Variants in PCSK5 observed in about 807,000 individuals in gnomAD.
PCSK5 encodes prohormone convertase 5.
Under a neutral mutation model 233.2 loss-of-function variants are expected in PCSK5, and 129 were observed. The ratio of observed to expected loss-of-function variants is 0.55; its 90% CI spans 0.48 to 0.64. PCSK5 has a LOEUF of 0.64. Among genes scored for constraint, PCSK5 ranks in the 30% least tolerant of loss-of-function variants. The pLI is 0.00. For synonymous variants in PCSK5, 825 were observed against 879.2 expected, an observed-to-expected ratio of 0.94 and a Z score of 1.09; for missense variants, 2,076 against 2,430.1, an observed-to-expected ratio of 0.85 and a Z score of 3.06.
At chr9:76,009,708 GA>G (rs1827646581) in intron 3 of PCSK5, among the ~76,000 whole-genome samples, 1 of 151,796 alleles carries the variant, frequency 6.6e-6, no homozygotes, top group African/African-American at 2.4e-5. Flanking sequence ...ATTTATATAT[GA>G]GAGATCATAT....
At chr9:76,310,425 T>C (rs115576606) in intron 29 of PCSK5, among the ~76,000 whole-genome samples, 3,030 of 152,244 alleles carry the variant, frequency 0.02, 105 homozygotes, top group African/African-American at 0.067. Flanking sequence ...CATCATGACC[T>C]ATACCTAATA....
intron 20 of PCSK5, among the ~76,000 whole-genome samples, chr9:76,227,232 T>C (rs1022241716): frequency 1.3e-5 from 2 of 152,232 alleles, no homozygotes; most frequent in Non-Finnish European, 2.9e-5. Flanking sequence ...TCCCTACTTA[T>C]AAAATCTGTA....
At chr9:75,904,565 T>A (rs965939672) in intron 1 of PCSK5, among the ~76,000 whole-genome samples, 1 of 152,134 alleles carries the variant, frequency 6.6e-6, no homozygotes, top group African/African-American at 2.4e-5. Flanking sequence ...ACCAGGGAAA[T>A]GTAAGTCAAA....
At chr9:76,140,673 A>G (rs1196686418) in intron 10 of PCSK5, among the ~76,000 whole-genome samples, 1 of 152,116 alleles carries the variant, frequency 6.6e-6, no homozygotes, top group Non-Finnish European at 1.5e-5. Flanking sequence ...TCGTGTATCA[A>G]TGATAATGCA....
intron 3 of PCSK5, among the ~76,000 whole-genome samples, chr9:75,992,650 C>G (rs1826821122): frequency 6.6e-6 from 1 of 152,098 alleles, no homozygotes; most frequent in Admixed American, 6.5e-5. Flanking sequence ...AGAAGTGTTT[C>G]TATTTGACTC....
intron 4 of PCSK5, among the ~76,000 whole-genome samples, chr9:76,025,396 A>G (rs571055806): frequency 7.4e-6 from 1 of 136,014 alleles, no homozygotes; most frequent in African/African-American, 3.1e-5. Flanking sequence ...AGTAAAAAAA[A>G]TGAGGAGAGA....
chr9:76,095,739 C>T, intron 7 of PCSK5, 151 bp from the exon 8 acceptor site: 4 of 650,220 alleles, frequency 6.2e-6, no homozygotes, highest in Non-Finnish European at 1.1e-5. Flanking sequence ...AAACCAACGC[C>T]TCTTACTCCA....
Position 76,054,384 on chromosome 9 carries a change from G to A in PCSK5, c.633-13571G>A, listed in dbSNP as rs139332015. On this transcript the variant is annotated intron_variant, in intron 5 of 37. Coordinates refer to ENST00000674117, the MANE Select transcript of PCSK5 (RefSeq NM_001372043.1). ...TACTTATTCCTTTAAACATGGACCA[G>A]CATAATTTTTTGTGTTGTTTCAGTT... 6.2e-3 allele frequency among the ~76,000 whole-genome samples: 938 copies of A among 152,266 alleles called. 7 individuals carry two copies. The highest frequency in any genetic ancestry group is 0.021 in the African/African-American group (868 of 41,556).
intron 20 of PCSK5, among the ~76,000 whole-genome samples, chr9:76,214,337 C>T (rs1380599225): frequency 6.6e-6 from 1 of 151,916 alleles, no homozygotes; most frequent in Non-Finnish European, 1.5e-5. Context: ...TGTGTGTGTG[C>T]ACGCAGCCCA....
At chr9:76,158,617 C>A (rs562386694) in intron 11 of PCSK5, among the ~76,000 whole-genome samples, 5 of 152,188 alleles carry the variant, frequency 3.3e-5, no homozygotes, top group Non-Finnish European at 7.3e-5. Flanking sequence ...AGATCAGCTA[C>A]GTCACTATCA....
At chr9:76,205,313 C>T (rs370530026) in intron 20 of PCSK5, 1 of 514,822 alleles carries the variant, frequency 1.9e-6, no homozygotes, top group African/African-American at 1.9e-5. Context: ...TGTTCCCACA[C>T]AGAACACAGC....
At chr9:76,090,313 T>C (rs184471683) in intron 7 of PCSK5, among the ~76,000 whole-genome samples, 1 of 152,186 alleles carries the variant, frequency 6.6e-6, no homozygotes, top group African/African-American at 2.4e-5. Context: ...TTTTCCCACA[T>C]ATGTTTTGGT....
At chr9:76,140,694 A>C (rs1823179079) in intron 10 of PCSK5, among the ~76,000 whole-genome samples, 1 of 152,080 alleles carries the variant, frequency 6.6e-6, no homozygotes, top group Non-Finnish European at 1.5e-5. Flanking sequence ...ACTATACTTA[A>C]ATTCTGTTTT....
intron 7 of PCSK5, among the ~76,000 whole-genome samples, chr9:76,078,612 T>A (rs59407657): frequency 0.11 from 16,236 of 152,228 alleles, 1,292 homozygotes; most frequent in East Asian, 0.36. Flanking sequence ...TTGGTTGACT[T>A]TGTTGAAAAT....
intron 5 of PCSK5, among the ~76,000 whole-genome samples, chr9:76,038,290 C>T (rs1265927041): frequency 2.0e-5 from 3 of 152,120 alleles, no homozygotes; most frequent in African/African-American, 7.2e-5. Context: ...TTCCCATAGG[C>T]TCTAGTATTA....
intron 33 of PCSK5, among the ~76,000 whole-genome samples, chr9:76,328,974 A>G (rs868624494): frequency 1.7e-5 from 1 of 58,976 alleles, no homozygotes; most frequent in Non-Finnish European, 3.7e-5. Flanking sequence ...GCTCCCGGCT[A>G]ATTTTTTTTT....
intron 20 of PCSK5, among the ~76,000 whole-genome samples, chr9:76,192,547 G>A (rs1025785722): frequency 6.6e-6 from 1 of 152,140 alleles, no homozygotes; most frequent in Non-Finnish European, 1.5e-5. Flanking sequence ...CCAGATATGA[G>A]AGTTGGATGC....
At chr9:75,966,775 ATAAGT>A (rs1587432072) in intron 2 of PCSK5, among the ~76,000 whole-genome samples, 1 of 152,364 alleles carries the variant, frequency 6.6e-6, no homozygotes, top group East Asian at 1.9e-4. Context: ...AATAAATTAG[ATAAGT>A]TCAGTCACTT....
chr9:76,014,113 T>C (rs989865253), intron 3 of PCSK5, among the ~76,000 whole-genome samples: 6 of 152,066 alleles, frequency 3.9e-5, no homozygotes, highest in African/African-American at 1.2e-4. Flanking sequence ...AGATTTATGC[T>C]CAGAGGGGAC....
Sources: allele counts gnomAD v4.1 joint callset (sites outside exome capture counted in the v4.1 genomes callset), GRCh38; gene constraint gnomAD v4.1.1; transcripts MANE v1.5; gene names NCBI Gene and HGNC (gene_info 2026-07-23, HGNC 2026-07-21).